Variants in RERE observed in about 807,000 individuals in gnomAD.
RERE encodes arginine-glutamic acid dipeptide repeats.
A neutral mutation model predicts 146.1 loss-of-function variants in RERE; 40 were observed. The ratio of observed to expected loss-of-function variants is 0.27; its 90% CI spans 0.21 to 0.36. The LOEUF (loss-of-function observed/expected upper bound fraction) is 0.36, where lower values mean the gene tolerates loss of function less well. RERE is among the 10% of genes least tolerant of loss of function. The probability of loss-of-function intolerance (pLI) is 1.00; values close to 1 mark genes in which losing one functional copy is unlikely to be tolerated. For synonymous variants in RERE, 1,003 were observed against 866.0 expected (o/e 1.16, Z -2.78); for missense variants, 1,933 against 2,138.7 (o/e 0.90, Z 1.90).
intron 7 of RERE, among the ~76,000 whole-genome samples, chr1:8,528,683 A>G (rs1213808826): frequency 6.6e-6 from 1 of 152,230 alleles, no homozygotes; most frequent in Non-Finnish European, 1.5e-5. Context: ...GATTAAGGAT[A>G]TAGAATAAGC....
intron 11 of RERE, among the ~76,000 whole-genome samples, chr1:8,452,636 G>C (rs923775691): frequency 1.3e-5 from 2 of 152,158 alleles, no homozygotes; most frequent in East Asian, 1.9e-4. Context: ...TTCAACTAGA[G>C]GAAGAATTAT....
chr1:8,709,587 G>A (rs1017041706), intron 1 of RERE, among the ~76,000 whole-genome samples: 1 of 152,014 alleles, frequency 6.6e-6, no homozygotes, highest in Non-Finnish European at 1.5e-5. Flanking sequence ...TTGATTTTTT[G>A]TCACAAAGAT....
intron 1 of RERE, among the ~76,000 whole-genome samples, chr1:8,657,803 C>T (rs1638357187): frequency 6.6e-6 from 1 of 152,176 alleles, no homozygotes; most frequent in African/African-American, 2.4e-5. Flanking sequence ...GCCGAGATCA[C>T]ACCACTGCAC....
At chr1:8,744,396 A>C (rs1013656975) in intron 1 of RERE, among the ~76,000 whole-genome samples, 3 of 152,242 alleles carry the variant, frequency 2.0e-5, no homozygotes, top group African/African-American at 7.2e-5. Context: ...CACAGGGAGA[A>C]TTCCGTTTCA....
At chr1:8,417,755 T>A (rs1344953768) in intron 12 of RERE, among the ~76,000 whole-genome samples, 1 of 152,088 alleles carries the variant, frequency 6.6e-6, no homozygotes, top group African/African-American at 2.4e-5. Context: ...GAATTCAAGG[T>A]CCCCCAAAAT....
intron 12 of RERE, among the ~76,000 whole-genome samples, chr1:8,406,879 TCATA>T (rs1237951939): frequency 1.3e-5 from 2 of 152,106 alleles, no homozygotes; most frequent in African/African-American, 4.8e-5. Context: ...GAGTCAGAGC[TCATA>T]CAACTTTGTG....
chr1:8,555,465 A>AT (rs1397758627), intron 6 of RERE, among the ~76,000 whole-genome samples: 1 of 152,216 alleles, frequency 6.6e-6, no homozygotes, highest in Admixed American at 6.5e-5. Flanking sequence ...GACTTTAGCT[A>AT]TGTAGCTTTG....
chr1:8,624,024 T>C (rs1646946041), intron 3 of RERE, among the ~76,000 whole-genome samples: 1 of 152,224 alleles, frequency 6.6e-6, no homozygotes, highest in Non-Finnish European at 1.5e-5. Context: ...AGAAACAAGC[T>C]ACTTCAGAAA....
chr1:8,455,243 T>A (rs374873391), intron 11 of RERE, among the ~76,000 whole-genome samples: 44 of 152,062 alleles, frequency 2.9e-4, no homozygotes, highest in Non-Finnish European at 4.9e-4. Context: ...TTTTTTATTA[T>A]TATTTTTTAT....
intron 4 of RERE, among the ~76,000 whole-genome samples, chr1:8,567,134 G>C (rs1239443278): frequency 6.6e-6 from 1 of 152,154 alleles, no homozygotes. Context: ...GTAGATGAAA[G>C]AAATAGAAGA....
At chr1:8,474,459 A>T (rs944437700) in intron 10 of RERE, among the ~76,000 whole-genome samples, 1 of 152,246 alleles carries the variant, frequency 6.6e-6, no homozygotes, top group African/African-American at 2.4e-5. Context: ...TACAGCAGTC[A>T]TTAAACATCT....
intron 7 of RERE, among the ~76,000 whole-genome samples, chr1:8,540,633 A>C (rs1645789137): frequency 6.6e-6 from 1 of 152,198 alleles, no homozygotes; most frequent in Admixed American, 6.5e-5. Flanking sequence ...AAAATTGTTA[A>C]ATTACTCTGA....
chr1:8,770,571 C>T (rs1640929296), intron 1 of RERE, among the ~76,000 whole-genome samples: 1 of 152,154 alleles, frequency 6.6e-6, no homozygotes, highest in Non-Finnish European at 1.5e-5. Context: ...AATAACTATA[C>T]TTAACAATCC....
At chr1:8,774,713 G>T (rs1324843389) in intron 1 of RERE, among the ~76,000 whole-genome samples, 4 of 106,350 alleles carry the variant, frequency 3.8e-5, no homozygotes, top group African/African-American at 1.2e-4. Context: ...TGACCTAAAA[G>T]AATCAAACAA....
At chr1:8,666,748 A>T (rs1412742339) in intron 1 of RERE, among the ~76,000 whole-genome samples, 2 of 152,250 alleles carry the variant, frequency 1.3e-5, no homozygotes, top group Non-Finnish European at 2.9e-5. Flanking sequence ...CTGCAAACTC[A>T]GACAGAAATA....
intron 8 of RERE, 67 bp from the exon 9 acceptor site, chr1:8,497,596 G>A: frequency 6.5e-7 from 1 of 1,548,026 alleles, no homozygotes; most frequent in Admixed American, 1.7e-5. Flanking sequence ...ATCTCAATAA[G>A]CAGTCTTTAG....
intron 9 of RERE, among the ~76,000 whole-genome samples, chr1:8,495,378 A>G (rs1645032544): frequency 2.0e-5 from 3 of 151,352 alleles, no homozygotes; most frequent in Non-Finnish European, 4.4e-5. Context: ...ACAGTGGCGC[A>G]ATCTTGGCTC....
At chr1:8,571,547 A>G (rs1231455864) in intron 4 of RERE, among the ~76,000 whole-genome samples, 1 of 152,270 alleles carries the variant, frequency 6.6e-6, no homozygotes, top group Non-Finnish European at 1.5e-5. Context: ...AAGAAAAGGG[A>G]AAATCAGCAG....
At chr1:8,389,153 G>A (rs1479250207) in intron 12 of RERE, among the ~76,000 whole-genome samples, 1 of 152,140 alleles carries the variant, frequency 6.6e-6, no homozygotes, top group Non-Finnish European at 1.5e-5. Context: ...ATCAAAATCA[G>A]TCTAAAATAA....
Sources: gnomAD v4.1 joint callset for allele counts (sites outside exome capture counted in the v4.1 genomes callset) on GRCh38, gnomAD v4.1.1 for gene constraint, MANE v1.5 for transcripts, NCBI Gene and HGNC (gene_info 2026-07-23, HGNC 2026-07-21) for gene names.